NELL1: variants seen among roughly 807,000 people sequenced by gnomAD.
The protein encoded by NELL1 is protein kinase C-binding protein NELL1.
Under a neutral mutation model 107.4 loss-of-function variants are expected in NELL1, and 76 were observed. The observed-to-expected ratio is 0.71, with a 90% CI of 0.59 to 0.86. The LOEUF (loss-of-function observed/expected upper bound fraction) is 0.86, where lower values mean the gene tolerates loss of function less well. Ranked by LOEUF, NELL1 falls within the 40% of genes least tolerant of loss-of-function variation. NELL1 has a pLI of 0.00. For missense variants in NELL1, 1,024 were observed against 1,005.5 expected, an observed-to-expected ratio of 1.02 and a Z score of -0.25; for synonymous variants, 353 against 341.2, an observed-to-expected ratio of 1.03 and a Z score of -0.38.
chr11:21,157,161 ATGTGTGTGTG>A (rs58571261), intron 13 of NELL1, among the ~76,000 whole-genome samples: 2 of 149,626 alleles, frequency 1.3e-5, no homozygotes, highest in Non-Finnish European at 3.0e-5. Flanking sequence ...ATATATATAT[ATGTGTGTGTG>A]TGTGTGTGTG....
At chr11:21,046,431 T>A (rs1018539017) in intron 12 of NELL1, among the ~76,000 whole-genome samples, 1 of 152,172 alleles carries the variant, frequency 6.6e-6, no homozygotes, top group African/African-American at 2.4e-5. Flanking sequence ...AACTATAATG[T>A]GTTCTGTGCA....
At chr11:20,958,353 C>T (rs1451738002) in intron 11 of NELL1, among the ~76,000 whole-genome samples, 1 of 152,038 alleles carries the variant, frequency 6.6e-6, no homozygotes, top group African/African-American at 2.4e-5. Flanking sequence ...GCCGAGGCTG[C>T]AAAGAGCAAC....
intron 13 of NELL1, among the ~76,000 whole-genome samples, chr11:21,162,678 T>C (rs1199035118): frequency 6.6e-6 from 1 of 152,134 alleles, no homozygotes; most frequent in Non-Finnish European, 1.5e-5. Context: ...CTTCAACCTG[T>C]TAGATATTAC....
chr11:21,358,156 G>C (rs1043699301), intron 14 of NELL1, among the ~76,000 whole-genome samples: 2 of 152,048 alleles, frequency 1.3e-5, no homozygotes, highest in African/African-American at 4.8e-5. Flanking sequence ...ATGAATTTTA[G>C]GATTGCTTTT....
chr11:21,041,808 T>C (rs1853239584), intron 12 of NELL1, among the ~76,000 whole-genome samples: 2 of 152,224 alleles, frequency 1.3e-5, no homozygotes, highest in Non-Finnish European at 2.9e-5. Context: ...AGTTACTAGG[T>C]AACTGTAAAC....
chr11:21,559,189 A>G (rs909906811), intron 16 of NELL1, among the ~76,000 whole-genome samples: 2 of 152,160 alleles, frequency 1.3e-5, no homozygotes, highest in African/African-American at 2.4e-5. Flanking sequence ...AAACTTGTGC[A>G]TAGCAGGTAA....
chr11:20,799,619 C>T (rs567314803), intron 3 of NELL1, among the ~76,000 whole-genome samples: 1 of 151,902 alleles, frequency 6.6e-6, no homozygotes, highest in South Asian at 2.1e-4. Flanking sequence ...CCATTTGAAG[C>T]ATTATCAGTT....
At chr11:21,179,897 T>C (rs1293307700) in intron 13 of NELL1, among the ~76,000 whole-genome samples, 1 of 109,494 alleles carries the variant, frequency 9.1e-6, no homozygotes, top group African/African-American at 3.8e-5. Context: ...TGTAAAGGTC[T>C]AGCAAGTAAA....
intron 3 of NELL1, among the ~76,000 whole-genome samples, chr11:20,809,613 G>A (rs543549701): frequency 6.6e-6 from 1 of 152,202 alleles, no homozygotes; most frequent in East Asian, 1.9e-4. Flanking sequence ...ATGTAAGTGA[G>A]ATCATGCTGT....
At chr11:21,485,460 G>A (rs1008157040) in intron 15 of NELL1, among the ~76,000 whole-genome samples, 6 of 151,128 alleles carry the variant, frequency 4.0e-5, no homozygotes, top group African/African-American at 1.5e-4. Context: ...AGCCCTTAGA[G>A]GACTGTGTCC....
intron 15 of NELL1, among the ~76,000 whole-genome samples, chr11:21,466,410 A>C (rs1321850766): frequency 6.6e-6 from 1 of 152,046 alleles, no homozygotes; most frequent in Non-Finnish European, 1.5e-5. Flanking sequence ...GCAGTCTGTC[A>C]CTCCAACTCT....
chr11:20,987,238 T>C (rs1286608418), intron 12 of NELL1, among the ~76,000 whole-genome samples: 3 of 152,176 alleles, frequency 2.0e-5, no homozygotes, highest in Non-Finnish European at 4.4e-5. Flanking sequence ...TTAACTAACT[T>C]AACCTTGGAT....
At chr11:20,963,690 G>C (rs909381354) in intron 12 of NELL1, among the ~76,000 whole-genome samples, 2 of 152,030 alleles carry the variant, frequency 1.3e-5, no homozygotes, top group African/African-American at 4.8e-5. Context: ...GGCTTCATTC[G>C]TTGTCTCTCC....
At chr11:20,687,573 A>C (rs1854338349) in intron 2 of NELL1, among the ~76,000 whole-genome samples, 1 of 151,364 alleles carries the variant, frequency 6.6e-6, no homozygotes, top group African/African-American at 2.4e-5. Context: ...TTTTTTGGTT[A>C]AGGTCTTTAT....
At chr11:21,281,506 G>T (rs1848992990) in intron 14 of NELL1, among the ~76,000 whole-genome samples, 1 of 152,164 alleles carries the variant, frequency 6.6e-6, no homozygotes, top group Non-Finnish European at 1.5e-5. Context: ...AAGGATGCAA[G>T]CCTGGCTGGC....
At chr11:21,200,595 C>T (rs1857247990) in intron 13 of NELL1, among the ~76,000 whole-genome samples, 1 of 152,138 alleles carries the variant, frequency 6.6e-6, no homozygotes, top group African/African-American at 2.4e-5. Flanking sequence ...CCTGTTCACC[C>T]TGATGATAGT....
At chr11:20,862,289 A>T (rs1848992026) in intron 4 of NELL1, among the ~76,000 whole-genome samples, 1 of 151,396 alleles carries the variant, frequency 6.6e-6, no homozygotes, top group Admixed American at 6.6e-5. Context: ...TTCAAGAGTC[A>T]TTTTTTTTTA....
intron 2 of NELL1, among the ~76,000 whole-genome samples, chr11:20,679,702 G>T (rs1854144846): frequency 6.6e-6 from 1 of 152,010 alleles, no homozygotes; most frequent in Non-Finnish European, 1.5e-5. Context: ...AACTCATGCT[G>T]ATACTTTATA....
In NELL1 at chr11:21,309,516, T is replaced by C. The variant is rs188023686; in HGVS notation, c.1550-61337T>C. ...GATGGGAACTTTTAGAAATTGTAAG[T>C]TATTTTTAATCTTTCACTTTACAAA... On this transcript the variant is annotated intron_variant, in intron 14 of 19. Coordinates refer to ENST00000357134, the MANE Select transcript of NELL1 (RefSeq NM_006157.5). 7.4e-3 allele frequency among the ~76,000 whole-genome samples: 1,128 copies of C among 151,910 alleles called. 23 individuals are homozygous for C. Among genetic ancestry groups the C allele is most frequent in the African/African-American group, 0.026 (1,077 of 41,478 alleles).
Sources: allele counts gnomAD v4.1 joint callset (sites outside exome capture counted in the v4.1 genomes callset), GRCh38; gene constraint gnomAD v4.1.1; transcripts MANE v1.5; gene names NCBI Gene and HGNC (gene_info 2026-07-23, HGNC 2026-07-21).